NXPE2: variants seen among roughly 807,000 people sequenced by gnomAD.
NXPE2 encodes the protein neurexophilin and PC-esterase domain family member 2, also known as NXPE family member 2.
A neutral mutation model predicts 34.4 loss-of-function variants in NXPE2; 34 were observed. That is an observed-to-expected ratio of 0.99 (90% CI 0.75 to 1.31). NXPE2 has a LOEUF of 1.31. Among genes scored for constraint, NXPE2 ranks in the 40% most tolerant of loss-of-function variants. NXPE2 has a pLI of 0.00. For missense variants in NXPE2, 649 were observed against 672.5 expected (o/e 0.97, Z 0.39); for synonymous variants, 235 against 231.3 (o/e 1.02, Z -0.15).
chr11:114,474,323 ACT>A, the NXPE2 span, among the ~76,000 whole-genome samples: 1 of 152,168 alleles, frequency 6.6e-6, no homozygotes, highest in African/African-American at 2.4e-5. Flanking sequence ...GCCCCAGGGC[ACT>A]CTGACATTTA....
intron 2 of NXPE2, among the ~76,000 whole-genome samples, chr11:114,689,927 C>T (rs577711012): frequency 8.1e-4 from 123 of 151,880 alleles, no homozygotes; most frequent in Admixed American, 2.8e-3. Context: ...GCTCTTTTTC[C>T]GTTTGTGTCA....
At chr11:114,496,088 A>G in the NXPE2 span, among the ~76,000 whole-genome samples, 1 of 152,158 alleles carries the variant, frequency 6.6e-6, no homozygotes, top group African/African-American at 2.4e-5. Flanking sequence ...GGACTTGCCC[A>G]GGAGTTGCAA....
the NXPE2 span, among the ~76,000 whole-genome samples, chr11:114,747,570 G>A: frequency 2.0e-5 from 3 of 152,166 alleles, no homozygotes; most frequent in Non-Finnish European, 2.9e-5. Flanking sequence ...TATAATCATA[G>A]CTAAAGGTGA....
the NXPE2 span, chr11:114,552,882 T>A: frequency 1.0e-5 from 10 of 977,948 alleles, no homozygotes; most frequent in East Asian, 2.2e-4. Context: ...CAGAATGCAC[T>A]GAAAATAAGG....
chr11:114,621,807 C>T, the NXPE2 span, among the ~76,000 whole-genome samples: 1 of 151,828 alleles, frequency 6.6e-6, no homozygotes, highest in South Asian at 2.1e-4. Context: ...ATAATTATTG[C>T]CTTGTGGGTA....
At chr11:114,542,333 A>T in the NXPE2 span, among the ~76,000 whole-genome samples, 1 of 152,194 alleles carries the variant, frequency 6.6e-6, no homozygotes, top group African/African-American at 2.4e-5. Context: ...TAATGAAAAC[A>T]TTAGAATTCA....
the NXPE2 span, among the ~76,000 whole-genome samples, chr11:114,756,137 G>A: frequency 6.6e-6 from 1 of 152,164 alleles, no homozygotes; most frequent in South Asian, 2.1e-4. Context: ...GGCCCATTAA[G>A]TGGTTTTCTC....
chr11:114,735,650 C>T, the NXPE2 span, among the ~76,000 whole-genome samples: 3 of 152,312 alleles, frequency 2.0e-5, no homozygotes, highest in Admixed American at 6.5e-5. Flanking sequence ...TATGTGCTAA[C>T]TGCTTTTCCT....
At chr11:114,522,629 T>C in the NXPE2 span, 25 of 800,716 alleles carry the variant, frequency 3.1e-5, no homozygotes, top group Non-Finnish European at 4.8e-5. Flanking sequence ...TTCTACTCTC[T>C]AGGGTACAGT....
At chr11:114,571,593 T>G in the NXPE2 span, 1 of 979,732 alleles carries the variant, frequency 1.0e-6, no homozygotes, top group East Asian at 2.4e-5. Context: ...TCTAATTTAT[T>G]ATAGGTTTAG....
At chr11:114,557,443 C>G in the NXPE2 span, among the ~76,000 whole-genome samples, 1 of 151,584 alleles carries the variant, frequency 6.6e-6, no homozygotes, top group Non-Finnish European at 1.5e-5. Flanking sequence ...TCAGGCATTT[C>G]AGTTCTAGAA....
the NXPE2 span, among the ~76,000 whole-genome samples, chr11:114,541,833 A>T: frequency 4.6e-5 from 7 of 152,336 alleles, no homozygotes; most frequent in East Asian, 1.9e-4. Context: ...GAACCAAACA[A>T]TATCTGAGAT....
At chr11:114,612,976 G>A in the NXPE2 span, among the ~76,000 whole-genome samples, 4 of 152,004 alleles carry the variant, frequency 2.6e-5, no homozygotes, top group Non-Finnish European at 2.9e-5. Flanking sequence ...GTTGCCTTGC[G>A]AGTAACCACT....
the NXPE2 span, among the ~76,000 whole-genome samples, chr11:114,650,600 G>A: frequency 4.6e-5 from 7 of 152,146 alleles, no homozygotes; most frequent in Non-Finnish European, 1.0e-4. Flanking sequence ...AAAGGGAGGA[G>A]GTGGAAGAAT....
the NXPE2 span, among the ~76,000 whole-genome samples, chr11:114,756,368 T>A: frequency 6.6e-6 from 1 of 152,170 alleles, no homozygotes; most frequent in Admixed American, 6.5e-5. Flanking sequence ...TTTATTAAGG[T>A]TGTTGTGAGG....
At chr11:114,547,081 C>CT in the NXPE2 span, among the ~76,000 whole-genome samples, 3 of 152,084 alleles carry the variant, frequency 2.0e-5, no homozygotes, top group Admixed American at 6.5e-5. Flanking sequence ...CTGCCCAATC[C>CT]TTAAGTGTGG....
chr11:114,620,380 C>T, the NXPE2 span, among the ~76,000 whole-genome samples: 14 of 151,864 alleles, frequency 9.2e-5, no homozygotes, highest in African/African-American at 2.7e-4. Flanking sequence ...AGTGTTGCCT[C>T]GTGGGTAACC....
chr11:114,716,744 A>G, the NXPE2 span, among the ~76,000 whole-genome samples: 2 of 152,188 alleles, frequency 1.3e-5, no homozygotes, highest in Non-Finnish European at 2.9e-5. Context: ...CCTACTCAGA[A>G]GGCAGTTTGG....
chr11:114,798,555 T>C, the NXPE2 span, among the ~76,000 whole-genome samples: 1 of 152,198 alleles, frequency 6.6e-6, no homozygotes, highest in African/African-American at 2.4e-5. Flanking sequence ...GGCTAATTTT[T>C]GTATTTTTAG....
Sources: gnomAD v4.1 joint callset for allele counts (sites outside exome capture counted in the v4.1 genomes callset) on GRCh38, gnomAD v4.1.1 for gene constraint, MANE v1.5 for transcripts, NCBI Gene and HGNC (gene_info 2026-07-23, HGNC 2026-07-21) for gene names.